Variants in MMRN2 observed in about 807,000 individuals in gnomAD.
MMRN2 encodes multimerin 2.
In MMRN2, 53 loss-of-function variants were observed where a neutral mutation model predicts 68.8. The ratio of observed to expected loss-of-function variants is 0.77; its 90% CI spans 0.62 to 0.97. MMRN2 has a LOEUF of 0.97. Among genes scored for constraint, MMRN2 ranks in the 50% least tolerant of loss-of-function variants. The pLI, the probability that MMRN2 is intolerant of heterozygous loss-of-function variation, is 0.00. For missense variants in MMRN2, 1,266 were observed against 1,259.5 expected (o/e 1.01, Z -0.08); for synonymous variants, 564 against 551.6 (o/e 1.02, Z -0.32).
At position 86,942,539 on chromosome 10, in the gene MMRN2, G is replaced by T. The variant is rs776475051; in HGVS notation, c.2245C>A (p.Arg749=). ...ATQRSLEQHQ[R]LFHSLFGNFQ... ...TTCCCAAAGAGGCTGTGGAAGAGCC[G>T]CTGGTGCTGCTCCAAGCTGCGCTGA... is the stretch of plus-strand genomic sequence containing the variant. The change falls in exon 6 of 7, where the codon CGG becomes AGG. Residue 749 remains arginine, a synonymous_variant. Coordinates refer to ENST00000372027, the MANE Select transcript of MMRN2 (RefSeq NM_024756.3). The T allele has an allele frequency of 1.5e-5, 25 of 1,613,378 alleles. No individual in the cohort carries two copies. The highest frequency in any genetic ancestry group is 1.6e-4 in the Middle Eastern group (1 of 6,082).
chr10:86,954,689 G>C (rs2133688290), intron 1 of MMRN2, among the ~76,000 whole-genome samples: 1 of 152,302 alleles, frequency 6.6e-6, no homozygotes, highest in Non-Finnish European at 1.5e-5. Context: ...CCTTGAGTCA[G>C]AAAAGGGCCT....
Position 86,940,875 on chromosome 10 carries a change from C to T in MMRN2, c.2467+1442G>A, listed in dbSNP as rs77078498. Among the ~76,000 whole-genome samples the T allele has an allele frequency of 4.6e-3, 708 of 152,338 alleles. 5 individuals are homozygous for T. The highest frequency in any genetic ancestry group is 0.016 in the African/African-American group (672 of 41,574). On this transcript the variant is annotated intron_variant, in intron 6 of 6. Coordinates refer to ENST00000372027, the MANE Select transcript of MMRN2 (RefSeq NM_024756.3). ...TTGAGACACAGAGCCTAGTTGTCCC[C>T]CTCCCGGGACCACACTCAGGGAGGG...
At chr10:86,952,073 C>T (rs916866592) in intron 1 of MMRN2, among the ~76,000 whole-genome samples, 1 of 152,090 alleles carries the variant, frequency 6.6e-6, no homozygotes, top group African/African-American at 2.4e-5. Flanking sequence ...TGAAAGAAAA[C>T]AATGAGTAGG....
At chr10:86,948,444 A>C (rs1379273949) in intron 1 of MMRN2, among the ~76,000 whole-genome samples, 1 of 152,156 alleles carries the variant, frequency 6.6e-6, no homozygotes, top group Non-Finnish European at 1.5e-5. Context: ...TTCAGAAAAC[A>C]AAAAGGAACT....
chr10:86,943,157 C>G lies in MMRN2; in HGVS notation c.1627G>C (p.Val543Leu). The change falls in exon 6 of 7, where the codon GTG becomes CTG. Residue 543 changes from valine (V) to leucine (L), a missense_variant. Transcript: ENST00000372027. This position sits in a 1 kb window ranked among gnomAD's most constrained non-coding sequence, Gnocchi z 4.2. ...LQALQNAVDA[V>L]SLAVDAHKAE... ...TTGTGCGCGTCCACGGCCAGCGACA[C>G]GGCGTCCACGGCGTTCTGCAGGGCC... 6.2e-7 allele frequency: 1 copy of G among 1,600,024 alleles called. No homozygotes were observed. The highest frequency in any genetic ancestry group is 8.5e-7 in the Non-Finnish European group (1 of 1,174,464).
chr10:86,942,727 C>G lies in MMRN2; in HGVS notation c.2057G>C (p.Arg686Pro). Residue 686 changes from arginine to proline, a missense_variant, in exon 6 of 7, where the codon CGC becomes CCC. Coordinates refer to ENST00000372027, the MANE Select transcript of MMRN2 (RefSeq NM_024756.3). Reference protein sequence around the residue: ...EHLEPSHDAGREEAATTALAG... With the variant: ...EHLEPSHDAGPEEAATTALAG... ...CAGGGCGGTGGTGGCGGCCTCCTCG[C>G]GGCCCGCGTCGTGGCTGGGCTCCAG... The G allele has an allele frequency of 7.0e-7, 1 of 1,433,096 alleles. No individual in the cohort carries two copies. Among genetic ancestry groups the G allele is most frequent in the East Asian group, 2.7e-5 (1 of 36,432 alleles). 88.8% of individuals were successfully genotyped at this position (1,433,096 alleles called of 1,614,324 possible).
At position 86,937,137 on chromosome 10, in the gene MMRN2, C is replaced by T; in HGVS notation, c.2468-12G>A. The T allele has an allele frequency of 6.2e-7, 1 of 1,612,236 alleles. No individual in the cohort carries two copies. Among genetic ancestry groups the T allele is most frequent in the Non-Finnish European group, 8.5e-7 (1 of 1,178,680 alleles). On this transcript the variant is annotated splice_polypyrimidine_tract_variant and intron_variant, in intron 6 of 6. Coordinates refer to ENST00000372027, the MANE Select transcript of MMRN2 (RefSeq NM_024756.3). ...GGCCACAGGGGATCCTGAAACATAA[C>T]AGGACAGTGCTTAGTGATTCATCCC...
rs747143512 is a variant in MMRN2, at chr10:86,936,751, T to TA, written c.2841dup (p.Lys948Ter). On this transcript the variant is annotated frameshift_variant, in exon 7 of 7. Coordinates refer to ENST00000372027, the MANE Select transcript of MMRN2 (RefSeq NM_024756.3). LOFTEE classifies it high-confidence loss of function. ...CAGATTGGGGCTGGGGTTCAGGTCT[T>TA]AAACATCAGGAAGCCCCCAAATGCA... 5 of 1,614,068 alleles carry TA rather than the reference T, an allele frequency of 3.1e-6. No homozygotes were observed. The highest frequency in any genetic ancestry group is 3.3e-5 in the Admixed American group (2 of 60,018).
intron 6 of MMRN2, among the ~76,000 whole-genome samples, chr10:86,941,798 T>TAAAAAAAAAAAAAA (rs55898424): frequency 1.7e-5 from 2 of 115,074 alleles, no homozygotes; most frequent in African/African-American, 7.0e-5. Context: ...AGACCCATCT[T>TAAAAAAAAAAAAAA]AAAAAAAAAA....
intron 6 of MMRN2, among the ~76,000 whole-genome samples, chr10:86,937,972 T>G (rs997588608): frequency 6.6e-6 from 1 of 152,146 alleles, no homozygotes; most frequent in Admixed American, 6.5e-5. Context: ...AAGGGTCTCT[T>G]GTTGCCCAGA....
chr10:86,947,150 C>G (rs1048743734), intron 1 of MMRN2, among the ~76,000 whole-genome samples: 1 of 152,084 alleles, frequency 6.6e-6, no homozygotes, highest in African/African-American at 2.4e-5. Flanking sequence ...GCTGTGTCCA[C>G]GGTCTGGGGA....
In MMRN2 at chr10:86,943,194, G is replaced by A. The variant is rs1250979982; in HGVS notation, c.1590C>T (p.Gly530=). 1 of 1,608,822 alleles carries A rather than the reference G, an allele frequency of 6.2e-7. No individual in the cohort carries two copies. The highest frequency in any genetic ancestry group is 1.3e-5 in the African/African-American group (1 of 74,848). ...CGTTCTGCAGGGCCTGCAGGGAGGAGCCGTCCAGCTGCCGCCGCTCGTCCA... is the reference window on the plus strand; with the variant it reads ...CGTTCTGCAGGGCCTGCAGGGAGGAACCGTCCAGCTGCCGCCGCTCGTCCA... The part of the protein sequence containing the change: ...VSLDERRQLD[G]SSLQALQNAV... The change falls in exon 6 of 7, where the codon GGC becomes GGT. Residue 530 remains glycine, a synonymous_variant. Coordinates refer to ENST00000372027, the MANE Select transcript of MMRN2 (RefSeq NM_024756.3). The surrounding 1 kb of genome is among the most constrained non-coding windows in gnomAD (Gnocchi z 4.2).
intron 6 of MMRN2, among the ~76,000 whole-genome samples, chr10:86,941,002 C>T (rs183746670): frequency 7.9e-4 from 120 of 152,332 alleles, no homozygotes; most frequent in Non-Finnish European, 4.7e-4. Context: ...GGTGAAGAAC[C>T]GGCACCCTAA....
At position 86,957,372 on chromosome 10, in the gene MMRN2, T is replaced by C; in HGVS notation, c.164+6A>G. On this transcript the variant is annotated splice_donor_region_variant and intron_variant, in intron 1 of 6. Transcript: ENST00000372027. ...ATGACCTCTGCCAAGGTCCAGGCCC[T>C]CTTACCGTCCTACGGGGTCCTTGCC... 2 of 1,612,772 alleles carry C rather than the reference T, an allele frequency of 1.2e-6. No individual in the cohort carries two copies. Among genetic ancestry groups the C allele is most frequent in the Non-Finnish European group, 1.7e-6 (2 of 1,179,792 alleles).
Position 86,945,669 on chromosome 10 carries a change from A to G in MMRN2, c.185T>C (p.Met62Thr), listed in dbSNP as rs749686962. ...PVGRNWCPYP[M>T]SKLVTLLALC... is the part of the protein sequence containing the mutation. The stretch of plus-strand genomic sequence containing the variant: ...AGCTAGTAAGGTGACCAGCTTGGAC[A>G]TTGGGTAGGGGCACCAGTTACTGGA... The change falls in exon 2 of 7, where the codon ATG becomes ACG. Residue 62 changes from methionine (M) to threonine (T), a missense_variant. Met to Thr is a moderately conservative substitution (Grantham distance 81). Transcript: ENST00000372027. 2.5e-6 allele frequency: 4 copies of G among 1,613,934 alleles called. No homozygotes were observed. The Admixed American group carries it at 6.7e-5, about 27-fold the overall frequency.
chr10:86,936,468 C>G lies in MMRN2; in HGVS notation c.*275G>C. ...TACAGGGTGTGGTGAAGAGTTGGAG[C>G]CCAGGCCGTGCTGTCTGAGAAGGCA... On this transcript the variant is annotated 3_prime_UTR_variant, in exon 7 of 7. Transcript: ENST00000372027. The G allele has an allele frequency of 1.8e-6, 1 of 545,534 alleles. No individual in the cohort carries two copies. The highest frequency in any genetic ancestry group is 3.1e-5 in the South Asian group (1 of 32,764). 33.8% of individuals were successfully genotyped at this position (545,534 alleles called of 1,614,324 possible).
In MMRN2 at chr10:86,936,881, A is replaced by G. The variant is rs753462877; in HGVS notation, c.2712T>C (p.Ser904=). Residue 904 remains serine (S), a synonymous_variant, in exon 7 of 7, where the codon AGT becomes AGC. Coordinates refer to ENST00000372027, the MANE Select transcript of MMRN2 (RefSeq NM_024756.3). ...TGGCAAAGACCGTTGCTGTGCTTCC[A>G]CTCCCCTGCCCAGTGGTACAGACTG... ...RTPVCTTGQG[S]GSTATVFAMA... The G allele has an allele frequency of 6.2e-7, 1 of 1,613,934 alleles. No individual in the cohort carries two copies. The highest frequency in any genetic ancestry group is 8.5e-7 in the Non-Finnish European group (1 of 1,179,996).
intron 6 of MMRN2, among the ~76,000 whole-genome samples, chr10:86,939,410 C>A (rs547058169): frequency 7.4e-6 from 1 of 135,948 alleles, no homozygotes; most frequent in Non-Finnish European, 1.5e-5. Context: ...TGCAGTGAGC[C>A]GAGATCGTGC....
chr10:86,944,970 G>A (rs1427964084), intron 4 of MMRN2, among the ~76,000 whole-genome samples: 1 of 152,244 alleles, frequency 6.6e-6, no homozygotes, highest in Non-Finnish European at 1.5e-5. Context: ...AGAAGATGGG[G>A]TGAAGGAAAA....
Sources: gnomAD v4.1 joint callset for allele counts (sites outside exome capture counted in the v4.1 genomes callset) on GRCh38, gnomAD v4.1.1 for gene constraint, Gnocchi (gnomAD v3.1) non-coding constraint, MANE v1.5 for transcripts, NCBI Gene and HGNC (gene_info 2026-07-23, HGNC 2026-07-21) for gene names.